Variants in GADL1 observed in about 807,000 individuals in gnomAD.
GADL1 encodes acidic amino acid decarboxylase GADL1.
A neutral mutation model predicts 69.5 loss-of-function variants in GADL1; 71 were observed. That is an observed-to-expected ratio of 1.02 (90% CI 0.84 to 1.25). The LOEUF is 1.25. Among genes scored for constraint, GADL1 ranks in the 50% most tolerant of loss-of-function variants. The probability of loss-of-function intolerance (pLI) is 0.00; values close to 1 mark genes in which losing one functional copy is unlikely to be tolerated. For synonymous variants in GADL1, 254 were observed against 214.4 expected (o/e 1.18, Z -1.62); for missense variants, 737 against 631.8 (o/e 1.17, Z -1.79).
chr3:30,837,487 C>T (rs951159041), intron 9 of GADL1, among the ~76,000 whole-genome samples: 3 of 152,138 alleles, frequency 2.0e-5, no homozygotes, highest in African/African-American at 7.2e-5. Context: ...TCTTCAAAGA[C>T]TCAACCTTTA....
chr3:30,755,717 T>C (rs1237695427), intron 14 of GADL1, among the ~76,000 whole-genome samples: 1 of 143,498 alleles, frequency 7.0e-6, no homozygotes, highest in Non-Finnish European at 1.6e-5. Context: ...GTCTGACACA[T>C]TGGAAATGTT....
At chr3:30,786,571 T>C (rs533182612) in intron 12 of GADL1, among the ~76,000 whole-genome samples, 165 bp from the exon 13 acceptor site, 45 of 152,330 alleles carry the variant, frequency 3.0e-4, no homozygotes, top group African/African-American at 1.1e-3. Context: ...CCAGACCTAC[T>C]GTAATTTCCT....
At chr3:30,761,235 T>TG (rs1390503431) in intron 14 of GADL1, among the ~76,000 whole-genome samples, 1 of 150,452 alleles carries the variant, frequency 6.6e-6, no homozygotes, top group African/African-American at 2.4e-5. Context: ...TGTTCTATCG[T>TG]GGATAGCAAT....
intron 6 of GADL1, among the ~76,000 whole-genome samples, chr3:30,846,049 T>C (rs961990815): frequency 3.0e-5 from 4 of 132,516 alleles, no homozygotes; most frequent in African/African-American, 6.1e-5. Context: ...CTGAGATAGA[T>C]AGATCAAAAA....
chr3:30,846,658 AAAG>A (rs1356281975), intron 6 of GADL1, among the ~76,000 whole-genome samples: 1 of 152,202 alleles, frequency 6.6e-6, no homozygotes, highest in Non-Finnish European at 1.5e-5. Flanking sequence ...GAATGAACAA[AAAG>A]AGTGTCCAAG....
intron 1 of GADL1, among the ~76,000 whole-genome samples, chr3:30,893,484 T>G (rs1379707479): frequency 6.6e-6 from 1 of 152,170 alleles, no homozygotes; most frequent in Admixed American, 6.5e-5. Flanking sequence ...GAATTTATTC[T>G]TACTAACTGC....
At chr3:30,745,057 T>G (rs894006145) in intron 14 of GADL1, among the ~76,000 whole-genome samples, 2 of 152,242 alleles carry the variant, frequency 1.3e-5, no homozygotes, top group Admixed American at 6.5e-5. Context: ...TTTTCCTATA[T>G]GTAAAATAGA....
intron 1 of GADL1, among the ~76,000 whole-genome samples, chr3:30,872,852 C>T (rs1297539649): frequency 2.0e-5 from 3 of 151,898 alleles, no homozygotes; most frequent in Non-Finnish European, 2.9e-5. Flanking sequence ...GATTCTGTAG[C>T]CATTTCCAAC....
chr3:30,731,536 G>A (rs926774270), intron 14 of GADL1, among the ~76,000 whole-genome samples: 3 of 152,190 alleles, frequency 2.0e-5, no homozygotes, highest in African/African-American at 7.2e-5. Context: ...TAAAGGAAGA[G>A]GGCACCTCAG....
intron 14 of GADL1, among the ~76,000 whole-genome samples, chr3:30,752,140 C>G (rs1362261985): frequency 1.3e-5 from 2 of 152,150 alleles, no homozygotes; most frequent in Non-Finnish European, 2.9e-5. Context: ...GAGTACTTCA[C>G]TGAGAAGCTT....
At chr3:30,857,475 T>C (rs1276063203) in intron 2 of GADL1, among the ~76,000 whole-genome samples, 5 of 151,930 alleles carry the variant, frequency 3.3e-5, no homozygotes, top group Admixed American at 1.3e-4. Context: ...TTAAAAAAGA[T>C]AAAAAATTCG....
At chr3:30,866,631 A>G (rs1698406537) in intron 1 of GADL1, among the ~76,000 whole-genome samples, 1 of 152,020 alleles carries the variant, frequency 6.6e-6, no homozygotes, top group African/African-American at 2.4e-5. Context: ...AGAGAGGACC[A>G]CAGTGGTTGG....
intron 6 of GADL1, among the ~76,000 whole-genome samples, chr3:30,847,403 A>G (rs1698076543): frequency 6.6e-6 from 1 of 152,196 alleles, no homozygotes; most frequent in African/African-American, 2.4e-5. Flanking sequence ...ATATAACAGT[A>G]CTGGGCCATG....
At chr3:30,882,321 A>G (rs935679592) in intron 1 of GADL1, among the ~76,000 whole-genome samples, 4 of 151,790 alleles carry the variant, frequency 2.6e-5, no homozygotes, top group African/African-American at 7.3e-5. Context: ...GAAACTGTAT[A>G]CTCATTGAAT....
At chr3:30,805,416 G>A (rs1333881797) in intron 11 of GADL1, among the ~76,000 whole-genome samples, 1 of 151,996 alleles carries the variant, frequency 6.6e-6, no homozygotes, top group African/African-American at 2.4e-5. Context: ...AGAACACTGA[G>A]CTAGAGGTCA....
chr3:30,744,635 G>A (rs1695673332), intron 14 of GADL1, among the ~76,000 whole-genome samples: 1 of 152,062 alleles, frequency 6.6e-6, no homozygotes, highest in African/African-American at 2.4e-5. Context: ...GATTGCTTGA[G>A]CCCAGGAGTT....
chr3:30,808,800 T>A (rs779220296), intron 11 of GADL1, among the ~76,000 whole-genome samples: 4 of 152,224 alleles, frequency 2.6e-5, no homozygotes, highest in Non-Finnish European at 4.4e-5. Context: ...CTCACTGTTA[T>A]AAATATTCCC....
chr3:30,764,328 C>T (rs1040156430), intron 14 of GADL1, among the ~76,000 whole-genome samples: 1 of 151,710 alleles, frequency 6.6e-6, no homozygotes, highest in Non-Finnish European at 1.5e-5. Flanking sequence ...GGTGTGTAGA[C>T]TCTAAGAGAA....
chr3:30,839,527 A>AAAAAAAAAAAAAAAAAT (rs10524409), intron 8 of GADL1, among the ~76,000 whole-genome samples: 1 of 148,618 alleles, frequency 6.7e-6, no homozygotes, highest in African/African-American at 2.5e-5. Flanking sequence ...AAAAAAAAAA[A>AAAAAAAAAAAAAAAAAT]GGTTGGAAGA....
Sources: allele counts gnomAD v4.1 joint callset (sites outside exome capture counted in the v4.1 genomes callset), GRCh38; gene constraint gnomAD v4.1.1; transcripts MANE v1.5; gene names NCBI Gene and HGNC (gene_info 2026-07-23, HGNC 2026-07-21).